Variants in KSR2 observed in about 807,000 individuals in gnomAD.
KSR2 encodes kinase suppressor of ras 2.
KSR2 carries 25 observed loss-of-function variants against 107.8 expected under a neutral mutation model. That is an observed-to-expected ratio of 0.23 (90% CI 0.17 to 0.32). KSR2 has a LOEUF of 0.32. Among genes scored for constraint, KSR2 ranks in the 10% least tolerant of loss-of-function variants. KSR2 has a pLI of 1.00. For missense variants in KSR2, 887 were observed against 1,268.9 expected, an observed-to-expected ratio of 0.70 and a Z score of 4.57; for synonymous variants, 480 against 507.0, an observed-to-expected ratio of 0.95 and a Z score of 0.71.
chr12:117,927,711 G>A (rs1895572912), intron 1 of KSR2, among the ~76,000 whole-genome samples: 1 of 151,798 alleles, frequency 6.6e-6, no homozygotes, highest in African/African-American at 2.4e-5. Context: ...GAAAAAAAAA[G>A]GAACCAGGCC....
chr12:117,479,882 A>G (rs914358162), intron 16 of KSR2, among the ~76,000 whole-genome samples: 1 of 152,180 alleles, frequency 6.6e-6, no homozygotes, highest in South Asian at 2.1e-4. Flanking sequence ...GCAGACCCAA[A>G]TTTCTATTTT....
intron 7 of KSR2, among the ~76,000 whole-genome samples, chr12:117,567,867 G>C (rs948124164): frequency 3.6e-4 from 54 of 151,294 alleles, no homozygotes; most frequent in African/African-American, 1.2e-3. Context: ...TACCAACTGA[G>C]CATTCTGGTC....
chr12:117,811,610 T>G (rs1891192569), intron 3 of KSR2, among the ~76,000 whole-genome samples: 1 of 152,108 alleles, frequency 6.6e-6, no homozygotes, highest in Admixed American at 6.5e-5. Context: ...CCACTTCCCC[T>G]CCATAAAATG....
intron 4 of KSR2, among the ~76,000 whole-genome samples, chr12:117,694,853 T>C (rs373895612): frequency 0.032 from 4,643 of 145,544 alleles, 243 homozygotes; most frequent in African/African-American, 0.11. Flanking sequence ...TTCTTTTTTT[T>C]TTTTTTTTTT....
At chr12:117,616,328 C>T (rs1881887426) in intron 5 of KSR2, among the ~76,000 whole-genome samples, 1 of 152,098 alleles carries the variant, frequency 6.6e-6, no homozygotes, top group Non-Finnish European at 1.5e-5. Flanking sequence ...GCCCACAAGG[C>T]CTATGAGGAA....
At position 117,540,557 on chromosome 12, in the gene KSR2, A is replaced by C. The variant is rs145459455; in HGVS notation, c.1519-670T>G. On this transcript the variant is annotated intron_variant, in intron 9 of 19. Transcript: ENST00000339824. ...TTTAAGGTAAGGATCCCGAGATGAG[A>C]TCATCGTGGATTCGGGTGAGTCCTA... Among the ~76,000 whole-genome samples, 107 of 152,344 alleles carry C rather than the reference A, an allele frequency of 7.0e-4. 1 individual carries two copies. Among genetic ancestry groups the C allele is most frequent in the African/African-American group, 2.4e-3 (100 of 41,594 alleles).
intron 3 of KSR2, among the ~76,000 whole-genome samples, chr12:117,781,932 C>T (rs1325299525): frequency 1.3e-5 from 2 of 152,140 alleles, no homozygotes; most frequent in Non-Finnish European, 2.9e-5. Context: ...ACCGTTGAAA[C>T]TGATAAAAAA....
chr12:117,720,200 G>A (rs1430870978), intron 4 of KSR2, among the ~76,000 whole-genome samples: 1 of 152,218 alleles, frequency 6.6e-6, no homozygotes, highest in East Asian at 1.9e-4. Context: ...GCCAGGGGCT[G>A]GGTGAGTAAC....
At chr12:117,945,360 A>C (rs1463381637) in intron 1 of KSR2, among the ~76,000 whole-genome samples, 2 of 152,188 alleles carry the variant, frequency 1.3e-5, no homozygotes, top group Non-Finnish European at 2.9e-5. Context: ...AAACCATAAG[A>C]AATGTGTTCA....
chr12:117,960,112 G>T (rs914695641), intron 1 of KSR2, among the ~76,000 whole-genome samples: 11 of 151,862 alleles, frequency 7.2e-5, no homozygotes, highest in Non-Finnish European at 1.6e-4. Flanking sequence ...CAAGAAGTTT[G>T]CATCTGCTGT....
intron 4 of KSR2, among the ~76,000 whole-genome samples, chr12:117,683,081 G>A (rs1462669845): frequency 6.6e-6 from 1 of 152,112 alleles, no homozygotes; most frequent in Non-Finnish European, 1.5e-5. Context: ...GGCAGGTGAG[G>A]GGGCTGTGGA....
intron 14 of KSR2, among the ~76,000 whole-genome samples, chr12:117,513,607 T>C (rs1874172351): frequency 1.3e-5 from 2 of 152,230 alleles, no homozygotes; most frequent in Non-Finnish European, 2.9e-5. Context: ...GTTTGGACAA[T>C]GAACCTGATT....
chr12:117,467,259 T>C, intron 19 of KSR2, 54 bp from the exon 20 acceptor site: 1 of 679,252 alleles, frequency 1.5e-6, no homozygotes, highest in South Asian at 1.8e-5. Context: ...GACATGATGA[T>C]GTCATCCGTT....
chr12:117,552,461 C>T (rs1405041928), intron 9 of KSR2, among the ~76,000 whole-genome samples: 1 of 152,208 alleles, frequency 6.6e-6, no homozygotes, highest in Non-Finnish European at 1.5e-5. Context: ...CAAAGTTCCA[C>T]CTGTTTGCTA....
intron 1 of KSR2, among the ~76,000 whole-genome samples, chr12:117,963,213 C>T (rs1896707910): frequency 6.6e-6 from 1 of 151,444 alleles, no homozygotes; most frequent in African/African-American, 2.4e-5. Context: ...AACTGCCCCA[C>T]CCATTCATGT....
intron 13 of KSR2, among the ~76,000 whole-genome samples, chr12:117,526,390 C>G (rs1875169026): frequency 6.6e-6 from 1 of 152,190 alleles, no homozygotes; most frequent in Non-Finnish European, 1.5e-5. Flanking sequence ...CCTGATGAAA[C>G]AGCCTGAGAA....
intron 4 of KSR2, among the ~76,000 whole-genome samples, chr12:117,743,388 G>C (rs1266910131): frequency 2.6e-5 from 4 of 152,226 alleles, no homozygotes; most frequent in Non-Finnish European, 4.4e-5. Context: ...GAGGGAAATG[G>C]GAAGACCATA....
rs140960062 is a variant in KSR2, at chr12:117,524,875, C to T, written c.2196G>A (p.Pro732=). ...ACCTGGTGATGATGGCCAGGTGAGG[C>T]GGGCTCATGCAGGCACCCATGAAAA... ...VVLFMGACMS[P]PHLAIITSLC... Residue 732 remains proline (P), a synonymous_variant, in exon 14 of 20, where the codon CCG becomes CCA. Coordinates refer to ENST00000339824, the MANE Select transcript of KSR2 (RefSeq NM_173598.6). 1.5e-5 allele frequency: 24 copies of T among 1,611,278 alleles called. No homozygotes were observed. The highest frequency in any genetic ancestry group is 1.1e-4 in the East Asian group (5 of 44,844).
chr12:117,556,883 T>G (rs536096353), intron 8 of KSR2, among the ~76,000 whole-genome samples: 7 of 152,274 alleles, frequency 4.6e-5, no homozygotes, highest in Non-Finnish European at 7.4e-5. Flanking sequence ...AATAAGCATA[T>G]GGGCCAGGCG....
Sources: gnomAD v4.1 joint callset for allele counts (sites outside exome capture counted in the v4.1 genomes callset) on GRCh38, gnomAD v4.1.1 for gene constraint, MANE v1.5 for transcripts, NCBI Gene and HGNC (gene_info 2026-07-23, HGNC 2026-07-21) for gene names.